The following PACS1 variants were observed in gnomAD, a reference collection of about 807,000 sequenced individuals.
PACS1 encodes the protein PACS-1.
A neutral mutation model predicts 115.0 loss-of-function variants in PACS1; 24 were observed. The observed-to-expected ratio is 0.21, with a 90% CI of 0.15 to 0.29. PACS1 has a LOEUF of 0.29. Ranked by LOEUF, PACS1 falls within the 10% of genes least tolerant of loss-of-function variation. PACS1 has a pLI of 1.00. For missense variants in PACS1, 838 were observed against 1,251.2 expected (o/e 0.67, Z 4.98); for synonymous variants, 453 against 504.5 (o/e 0.90, Z 1.37).
rs1341353510 is a variant in PACS1, at chr11:66,221,174, C to T, written c.1220C>T (p.Ser407Leu). ...CACAGGCCTTTCTTTGAGGGGATGT[C>T]GCAGTCCAGCTCCCAGACGGAGATT... Reference protein sequence around the residue: ...PKLKPFFEGMSQSSSQTEIGS... With the variant: ...PKLKPFFEGMLQSSSQTEIGS... The change falls in exon 10 of 24, where the codon TCG becomes TTG. Residue 407 changes from serine (S) to leucine (L), a missense_variant. Physicochemically the swap from Ser to Leu is moderately radical, Grantham distance 145. Around this residue, in one of 6 missense-constraint regions of PACS1, gnomAD observed 383 missense variants for 537.0 expected, o/e 0.71. Transcript: ENST00000320580. The T allele has an allele frequency of 1.9e-6, 3 of 1,614,172 alleles. No homozygotes were observed. The highest frequency in any genetic ancestry group is 1.1e-5 in the South Asian group (1 of 91,088).
chr11:66,089,542 C>T (rs1857622880), intron 1 of PACS1, among the ~76,000 whole-genome samples: 1 of 152,100 alleles, frequency 6.6e-6, no homozygotes, highest in Admixed American at 6.5e-5. Context: ...GAATTAAATC[C>T]TTCTTTTAGC....
chr11:66,211,757 G>A (rs982631020), intron 4 of PACS1, among the ~76,000 whole-genome samples: 1 of 152,268 alleles, frequency 6.6e-6, no homozygotes, highest in African/African-American at 2.4e-5. Flanking sequence ...GGACACTAAC[G>A]TTGAGATAAG....
intron 1 of PACS1, chr11:66,100,825 G>T (rs552389003): frequency 8.8e-6 from 4 of 456,260 alleles, no homozygotes; most frequent in South Asian, 6.2e-5. Context: ...GAGAACTGTG[G>T]CTGGAACACC....
At chr11:66,176,786 T>C (rs775672720) in intron 1 of PACS1, among the ~76,000 whole-genome samples, 2 of 152,262 alleles carry the variant, frequency 1.3e-5, no homozygotes, top group Non-Finnish European at 2.9e-5. Context: ...GAACATGATG[T>C]TCTCTCTGAC....
At chr11:66,213,106 C>T (rs760898214) in intron 4 of PACS1, among the ~76,000 whole-genome samples, 21 of 152,234 alleles carry the variant, frequency 1.4e-4, no homozygotes, top group Admixed American at 6.5e-4. Flanking sequence ...GCTGCTTTGG[C>T]CTCCCAGAGT....
intron 10 of PACS1, among the ~76,000 whole-genome samples, chr11:66,221,959 T>A (rs2134720568): frequency 6.6e-6 from 1 of 152,068 alleles, no homozygotes; most frequent in South Asian, 2.1e-4. Context: ...CTACGAAAAA[T>A]GCAAAAGTTA....
chr11:66,099,691 A>G (rs1857870316), intron 1 of PACS1, among the ~76,000 whole-genome samples: 1 of 151,608 alleles, frequency 6.6e-6, no homozygotes, highest in East Asian at 1.9e-4. Flanking sequence ...GACCACAGAC[A>G]TGTGCCACCA....
At chr11:66,108,477 C>T (rs961792738) in intron 1 of PACS1, among the ~76,000 whole-genome samples, 9 of 152,182 alleles carry the variant, frequency 5.9e-5, no homozygotes, top group Admixed American at 5.9e-4. Flanking sequence ...AATCTCAGAG[C>T]TTTGAGAGGC....
At chr11:66,071,067 C>A (rs976518902) in intron 1 of PACS1, among the ~76,000 whole-genome samples, 2 of 152,180 alleles carry the variant, frequency 1.3e-5, no homozygotes, top group Non-Finnish European at 2.9e-5. Flanking sequence ...CTGTCCTCCC[C>A]GAGGGACCTT....
intron 4 of PACS1, among the ~76,000 whole-genome samples, chr11:66,214,620 CTTTTTT>C (rs578031707): frequency 2.5e-4 from 29 of 115,326 alleles, no homozygotes; most frequent in African/African-American, 7.0e-4. Context: ...TTTTTCTTTT[CTTTTTT>C]TTTTTTTTTT....
chr11:66,206,080 G>A (rs867144409), intron 2 of PACS1, among the ~76,000 whole-genome samples: 4 of 152,056 alleles, frequency 2.6e-5, no homozygotes, highest in Non-Finnish European at 5.9e-5. Flanking sequence ...CCTGGGAGGC[G>A]GAGGTTGCAA....
At chr11:66,096,897 G>A (rs375118932) in intron 1 of PACS1, among the ~76,000 whole-genome samples, 1 of 139,130 alleles carries the variant, frequency 7.2e-6, no homozygotes, top group Non-Finnish European at 1.5e-5. Context: ...AGACAGTCTC[G>A]CTTTGTTGCC....
chr11:66,143,718 C>T (rs1859055724), intron 1 of PACS1, among the ~76,000 whole-genome samples: 1 of 152,132 alleles, frequency 6.6e-6, no homozygotes, highest in Non-Finnish European at 1.5e-5. Context: ...CGGCTCATTG[C>T]AACCTCTGCC....
chr11:66,219,607 C>G, intron 7 of PACS1, 139 bp from the exon 8 acceptor site: 1 of 754,072 alleles, frequency 1.3e-6, no homozygotes, highest in Non-Finnish European at 2.4e-6. Flanking sequence ...GCTTTGAGTG[C>G]CAAGGGCAGA....
intron 2 of PACS1, among the ~76,000 whole-genome samples, chr11:66,209,001 A>T (rs1855010265): frequency 6.6e-6 from 1 of 152,098 alleles, no homozygotes; most frequent in East Asian, 1.9e-4. Flanking sequence ...AACACTGTTT[A>T]TTTGTGTGCT....
intron 1 of PACS1, among the ~76,000 whole-genome samples, chr11:66,072,733 CTG>C (rs1164382006): frequency 1.3e-5 from 2 of 152,208 alleles, no homozygotes; most frequent in African/African-American, 4.8e-5. Context: ...CATAGAAACA[CTG>C]TGTTCCTTCC....
At chr11:66,230,518 A>G in intron 11 of PACS1, 30 bp from the exon 12 acceptor site, 2 of 1,533,832 alleles carry the variant, frequency 1.3e-6, no homozygotes, top group South Asian at 1.1e-5. Flanking sequence ...GTGGGAGGTC[A>G]TCTTCACTGT....
At chr11:66,144,510 C>T (rs1320567320) in intron 1 of PACS1, among the ~76,000 whole-genome samples, 1 of 152,148 alleles carries the variant, frequency 6.6e-6, no homozygotes, top group Non-Finnish European at 1.5e-5. Flanking sequence ...GAAACACAGG[C>T]ATTTATTTGG....
At chr11:66,075,095 A>G (rs546981050) in intron 1 of PACS1, among the ~76,000 whole-genome samples, 1 of 151,878 alleles carries the variant, frequency 6.6e-6, no homozygotes, top group South Asian at 2.1e-4. Flanking sequence ...GGCGCCTGCC[A>G]CCACACCTGG....
Sources: allele counts gnomAD v4.1 joint callset (sites outside exome capture counted in the v4.1 genomes callset), GRCh38; gene constraint gnomAD v4.1.1; regional missense constraint gnomAD v4.1.1; transcripts MANE v1.5; gene names NCBI Gene and HGNC (gene_info 2026-07-23, HGNC 2026-07-21).